Variants in OTOGL observed in about 807,000 individuals in gnomAD.
The protein encoded by OTOGL is otogelin-like protein.
A neutral mutation model predicts 318.5 loss-of-function variants in OTOGL; 285 were observed. The ratio of observed to expected loss-of-function variants is 0.89; its 90% CI spans 0.81 to 0.99. OTOGL has a LOEUF of 0.99. OTOGL is among the 50% of genes least tolerant of loss of function. The pLI is 0.00. For missense variants in OTOGL, 2,899 were observed against 2,845.6 expected (o/e 1.02, Z -0.43); for synonymous variants, 987 against 936.5 (o/e 1.05, Z -0.99).
In OTOGL at chr12:80,353,517, C is replaced by T. The variant is rs768652529; in HGVS notation, c.5593+7C>T. 1.3e-6 allele frequency: 2 copies of T among 1,516,980 alleles called. No homozygotes were observed. Among genetic ancestry groups the T allele is most frequent in the Non-Finnish European group, 1.8e-6 (2 of 1,126,692 alleles). 94.0% of individuals were successfully genotyped at this position (1,516,980 alleles called of 1,614,324 possible). A position where few individuals can be genotyped will look rare whatever the true frequency, so the allele number is the denominator to read the frequency against. On this transcript the variant is annotated splice_region_variant and intron_variant, in intron 46 of 58. Coordinates refer to ENST00000547103, the MANE Select transcript of OTOGL (RefSeq NM_001378609.3). ...ATTCCAGAGAAAGAGTGTGGTAAGA[C>T]ACAAAGTACAAAATGACTTCTCAGG...
At chr12:80,262,177 G>A in intron 19 of OTOGL, 84 bp downstream of exon 19, 1 of 1,271,862 alleles carries the variant, frequency 7.9e-7, no homozygotes, top group Non-Finnish European at 1.0e-6. Flanking sequence ...AAATTAGATA[G>A]TTTAAATTCT....
intron 9 of OTOGL, 44 bp from the exon 10 acceptor site, chr12:80,238,807 T>C (rs1206301877): frequency 6.9e-7 from 1 of 1,441,466 alleles, no homozygotes; most frequent in Non-Finnish European, 9.1e-7. Flanking sequence ...ATGATATGAT[T>C]ACACCTATTT....
chr12:80,294,452 T>C (rs80207671), intron 26 of OTOGL, among the ~76,000 whole-genome samples: 7,263 of 152,266 alleles, frequency 0.048, 276 homozygotes, highest in Middle Eastern at 0.1. Flanking sequence ...AACAAAACCC[T>C]AAATTATGTA....
chr12:80,193,882 G>A (rs1875868837), intron 1 of OTOGL, among the ~76,000 whole-genome samples: 1 of 152,172 alleles, frequency 6.6e-6, no homozygotes, highest in Non-Finnish European at 1.5e-5. Flanking sequence ...TAGAAAGCTT[G>A]AAGTCATCTG....
intron 1 of OTOGL, among the ~76,000 whole-genome samples, chr12:80,196,296 C>G (rs1358288792): frequency 6.6e-6 from 1 of 152,194 alleles, no homozygotes; most frequent in Non-Finnish European, 1.5e-5. Context: ...GTTATCCTAT[C>G]TACAGCCTTT....
At chr12:80,127,022 G>T (rs1870893630) in intron 1 of OTOGL, among the ~76,000 whole-genome samples, 2 of 152,128 alleles carry the variant, frequency 1.3e-5, no homozygotes, top group Non-Finnish European at 2.9e-5. Flanking sequence ...CTTTTAATTG[G>T]AGCATTTAGC....
At chr12:80,255,874 T>G (rs1881992052) in intron 16 of OTOGL, among the ~76,000 whole-genome samples, 1 of 151,950 alleles carries the variant, frequency 6.6e-6, no homozygotes, top group Non-Finnish European at 1.5e-5. Context: ...GTTTTATTTT[T>G]TCTATGTAAT....
chr12:80,107,476 A>G (rs1480571590), intron 1 of OTOGL, among the ~76,000 whole-genome samples: 1 of 152,206 alleles, frequency 6.6e-6, no homozygotes, highest in East Asian at 1.9e-4. Context: ...TGCGGAGAAG[A>G]GGAAATGCTT....
intron 29 of OTOGL, among the ~76,000 whole-genome samples, chr12:80,308,367 C>A (rs1220729984): frequency 6.6e-6 from 1 of 151,452 alleles, no homozygotes; most frequent in Non-Finnish European, 1.5e-5. Context: ...ACATCCCGGA[C>A]GGGGCGGCAG....
rs1887864537 is a variant in OTOGL at position 80,328,690 on chromosome 12, C to T, written c.4225C>T (p.Pro1409Ser). 2 of 1,605,618 alleles carry T rather than the reference C, an allele frequency of 1.2e-6. No homozygotes were observed. Among genetic ancestry groups the T allele is most frequent in the East Asian group, 2.2e-5 (1 of 44,828 alleles). ...GGTTGAAGGATGCTTGCCCTACTGC[C>T]CTAAAAATATGATCCTTGATGAGGT... is the stretch of plus-strand genomic sequence containing the variant. ...PPVEGCLPYC[P>S]KNMILDEVTL... Residue 1409 changes from proline to serine, a missense_variant, in exon 36 of 59, where the codon CCT becomes TCT. Transcript: ENST00000547103.
At chr12:80,154,402 C>T (rs1391892831) in intron 1 of OTOGL, among the ~76,000 whole-genome samples, 1 of 152,146 alleles carries the variant, frequency 6.6e-6, no homozygotes, top group Non-Finnish European at 1.5e-5. Context: ...AAACCACCAA[C>T]TGTTATAGTT....
intron 26 of OTOGL, among the ~76,000 whole-genome samples, chr12:80,296,031 T>A (rs1028856084): frequency 6.6e-6 from 1 of 152,158 alleles, no homozygotes; most frequent in Non-Finnish European, 1.5e-5. Context: ...GGGGTCTACC[T>A]GGAGGTGGAA....
chr12:80,147,477 A>T (rs1163331208), intron 1 of OTOGL, among the ~76,000 whole-genome samples: 1 of 151,270 alleles, frequency 6.6e-6, no homozygotes, highest in Non-Finnish European at 1.5e-5. Context: ...ACTTCCAAGT[A>T]TGTGGTCAAT....
At chr12:80,312,029 C>T (rs575087394) in intron 30 of OTOGL, among the ~76,000 whole-genome samples, 28 of 151,474 alleles carry the variant, frequency 1.8e-4, no homozygotes, top group East Asian at 5.8e-4. Flanking sequence ...ATTCAAAGGG[C>T]GAAATAAAAA....
At chr12:80,130,808 A>G (rs1320738581) in intron 1 of OTOGL, among the ~76,000 whole-genome samples, 4 of 152,194 alleles carry the variant, frequency 2.6e-5, no homozygotes, top group Non-Finnish European at 4.4e-5. Flanking sequence ...TTTTTCTTCA[A>G]CCATTCCCAC....
intron 1 of OTOGL, among the ~76,000 whole-genome samples, chr12:80,192,771 T>A (rs1359755801): frequency 1.3e-5 from 2 of 152,218 alleles, no homozygotes; most frequent in Non-Finnish European, 1.5e-5. Flanking sequence ...TTAAAAAAAT[T>A]CTGATAATTG....
chr12:80,367,804 A>G (rs1474872854), intron 54 of OTOGL, 65 bp downstream of exon 54: 1 of 1,142,396 alleles, frequency 8.8e-7, no homozygotes, highest in African/African-American at 1.6e-5. Context: ...GAGTTATAGA[A>G]TTTGAAATGG....
At chr12:80,122,107 A>G (rs963994786) in intron 1 of OTOGL, among the ~76,000 whole-genome samples, 6 of 152,194 alleles carry the variant, frequency 3.9e-5, no homozygotes, top group Admixed American at 1.3e-4. Flanking sequence ...AAAAATGAAC[A>G]ATTGCCAAAT....
At chr12:80,102,104 T>G (rs973095625) in intron 1 of OTOGL, among the ~76,000 whole-genome samples, 1 of 152,096 alleles carries the variant, frequency 6.6e-6, no homozygotes, top group Non-Finnish European at 1.5e-5. Context: ...TCAATACAAG[T>G]AGGATGCAGA....
Sources: allele counts gnomAD v4.1 joint callset (sites outside exome capture counted in the v4.1 genomes callset), GRCh38; gene constraint gnomAD v4.1.1; transcripts MANE v1.5; gene names NCBI Gene and HGNC (gene_info 2026-07-23, HGNC 2026-07-21).